Variants in IRAK3 observed in about 807,000 individuals in gnomAD.
The protein encoded by IRAK3 is interleukin-1 receptor-associated kinase 3.
In IRAK3, 57 loss-of-function variants were observed where a neutral mutation model predicts 56.6. The observed-to-expected ratio is 1.01, with a 90% CI of 0.81 to 1.26. The LOEUF (loss-of-function observed/expected upper bound fraction) is 1.26. Ranked by LOEUF, IRAK3 falls within the 50% of genes most tolerant of loss-of-function variation. The probability of loss-of-function intolerance (pLI) is 0.00; values close to 1 mark genes in which losing one functional copy is unlikely to be tolerated. For missense variants in IRAK3, 703 were observed against 719.0 expected (o/e 0.98, Z 0.25); for synonymous variants, 258 against 255.7 (o/e 1.01, Z -0.09).
intron 1 of IRAK3, among the ~76,000 whole-genome samples, chr12:66,203,081 T>A (rs1415880375): frequency 7.2e-5 from 11 of 152,150 alleles, no homozygotes; most frequent in Admixed American, 7.2e-4. Context: ...AATATTGTAG[T>A]AATAATTGTG....
intron 8 of IRAK3, among the ~76,000 whole-genome samples, chr12:66,239,115 A>G (rs2052937232): frequency 1.3e-5 from 2 of 152,148 alleles, no homozygotes; most frequent in Admixed American, 1.3e-4. Flanking sequence ...CATCCCAGAC[A>G]TTTCATTCCT....
At chr12:66,238,365 T>C (rs1221705904) in intron 8 of IRAK3, among the ~76,000 whole-genome samples, 1 of 152,192 alleles carries the variant, frequency 6.6e-6, no homozygotes, top group Non-Finnish European at 1.5e-5. Context: ...AGTTCAGGTA[T>C]TACAGTTATT....
chr12:66,203,471 A>G (rs937195547), intron 1 of IRAK3, among the ~76,000 whole-genome samples: 1 of 152,204 alleles, frequency 6.6e-6, no homozygotes, highest in Non-Finnish European at 1.5e-5. Context: ...TGGAAAAACT[A>G]GTGAAATTAG....
At chr12:66,213,781 A>T (rs1592585403) in intron 5 of IRAK3, among the ~76,000 whole-genome samples, 1 of 115,110 alleles carries the variant, frequency 8.7e-6, no homozygotes, top group East Asian at 2.1e-4. Context: ...TCTACTAATT[A>T]AAAAAAAAAA....
chr12:66,246,646 C>A (rs906273941), intron 11 of IRAK3, among the ~76,000 whole-genome samples: 13 of 152,254 alleles, frequency 8.5e-5, no homozygotes, highest in Admixed American at 7.2e-4. Flanking sequence ...ACTAATGATA[C>A]TGCTTCCCTT....
chr12:66,195,448 T>C (rs2052441882), intron 1 of IRAK3, among the ~76,000 whole-genome samples: 2 of 152,174 alleles, frequency 1.3e-5, no homozygotes, highest in Non-Finnish European at 2.9e-5. Flanking sequence ...CAGAACCCTC[T>C]GGCGGCTTCC....
rs551637499 is a variant in IRAK3 at position 66,213,265 on chromosome 12, A to G, written c.588+1668A>G. Among the ~76,000 whole-genome samples the G allele has an allele frequency of 1.4e-3, 207 of 152,158 alleles. 1 individual carries two copies. The highest frequency in any genetic ancestry group is 1.6e-3 in the Non-Finnish European group (110 of 68,000). On this transcript the variant is annotated intron_variant, in intron 5 of 11. Transcript: ENST00000261233. ...AACAGCACTGGAAAGACCCACCCCC[A>G]TGATTCAATTAACTCCCACTGGGCC...
intron 8 of IRAK3, among the ~76,000 whole-genome samples, chr12:66,233,660 A>G (rs1019917786): frequency 3.4e-5 from 5 of 146,108 alleles, no homozygotes; most frequent in Non-Finnish European, 7.5e-5. Flanking sequence ...ATACAGCTGG[A>G]AAAAAAAAAC....
At chr12:66,243,100 G>GT (rs2052988471) in intron 8 of IRAK3, among the ~76,000 whole-genome samples, 1 of 151,292 alleles carries the variant, frequency 6.6e-6, no homozygotes, top group Middle Eastern at 3.2e-3. Context: ...AAGTGCCTTT[G>GT]TTTTTTCTGT....
At chr12:66,241,692 C>T (rs111544433) in intron 8 of IRAK3, among the ~76,000 whole-genome samples, 6 of 152,334 alleles carry the variant, frequency 3.9e-5, no homozygotes, top group East Asian at 1.9e-4. Flanking sequence ...AGCTGAAAAA[C>T]GACTTATCTT....
intron 2 of IRAK3, among the ~76,000 whole-genome samples, chr12:66,205,557 C>G (rs910460439): frequency 3.9e-5 from 6 of 152,176 alleles, no homozygotes; most frequent in African/African-American, 1.4e-4. Context: ...ATAAGTGTAG[C>G]TTGCTCAACA....
In IRAK3 at chr12:66,211,496, A is replaced by G. The variant is rs2052611294; in HGVS notation, c.487A>G (p.Arg163Gly). The G allele has an allele frequency of 6.2e-7, 1 of 1,604,956 alleles. No individual in the cohort carries two copies. The highest frequency in any genetic ancestry group is 8.5e-7 in the Non-Finnish European group (1 of 1,171,652). ...CTTTCAAAATATCATAGAAGGAACT[A>G]GAAATTTCCACAAAGACTTCCTAAT... Reference protein sequence around the residue: ...ISFQNIIEGTRNFHKDFLIGE... With the variant: ...ISFQNIIEGTGNFHKDFLIGE... Residue 163 changes from arginine (R) to glycine (G), a missense_variant, in exon 5 of 12, where the codon AGA becomes GGA. Transcript: ENST00000261233.
intron 9 of IRAK3, 130 bp downstream of exon 9, chr12:66,244,814 G>A (rs2053010759): frequency 1.2e-5 from 13 of 1,049,840 alleles, no homozygotes; most frequent in South Asian, 1.1e-4. Context: ...TATTAATTTT[G>A]TGTAATCAAG....
chr12:66,206,988 C>G (rs1166823420), intron 2 of IRAK3, among the ~76,000 whole-genome samples: 1 of 152,126 alleles, frequency 6.6e-6, no homozygotes, highest in East Asian at 1.9e-4. Context: ...AGTTTTTTGG[C>G]ATATCATTGT....
rs193183322 is a variant in IRAK3, at chr12:66,227,709, A to T, written c.769-543A>T. On this transcript the variant is annotated intron_variant, in intron 7 of 11. Transcript: ENST00000261233. ...AGGGACATGGAGGCTGTAGTGAGCT[A>T]TGATTCTGCCACTGTACTCCAGCTT... 1.9e-4 allele frequency among the ~76,000 whole-genome samples: 29 copies of T among 150,826 alleles called. No homozygotes were observed. In the East Asian group the frequency reaches 2.7e-3, roughly 14 times the overall value.
chr12:66,223,066 C>T (rs191399910), intron 6 of IRAK3, among the ~76,000 whole-genome samples: 1 of 149,890 alleles, frequency 6.7e-6, no homozygotes, highest in East Asian at 1.9e-4. Context: ...AGTGGGGGAG[C>T]TTTTTGAGCC....
At chr12:66,217,645 A>G (rs1044817442) in intron 6 of IRAK3, among the ~76,000 whole-genome samples, 2 of 152,310 alleles carry the variant, frequency 1.3e-5, no homozygotes, top group Middle Eastern at 3.4e-3. Context: ...TTTGATGTGC[A>G]TATTATTTTT....
chr12:66,236,395 CAAAAAAAAAAAA>C (rs56074285), intron 8 of IRAK3, among the ~76,000 whole-genome samples: 1 of 110,414 alleles, frequency 9.1e-6, no homozygotes, highest in Non-Finnish European at 1.8e-5. Context: ...CTAAAAATAC[CAAAAAAAAAAAA>C]AAAAAAAAAA....
Position 66,249,935 on chromosome 12 carries a change from G to A in IRAK3, c.*1764G>A, listed in dbSNP as rs1592607988. On this transcript the variant is annotated 3_prime_UTR_variant, in exon 12 of 12. Coordinates refer to ENST00000261233, the MANE Select transcript of IRAK3 (RefSeq NM_007199.3). The stretch of plus-strand genomic sequence containing the variant: ...AACATATTCACAGGTTTCTGGAATT[G>A]GGACGTGGACATCTTCGGGGGACCA... The A allele has an allele frequency of 6.6e-6, 1 of 152,290 alleles. No individual in the cohort carries two copies. The highest frequency in any genetic ancestry group is 1.9e-4 in the East Asian group (1 of 5,178). 9.4% of individuals were successfully genotyped at this position (152,290 alleles called of 1,614,324 possible).
Sources: allele counts gnomAD v4.1 joint callset (sites outside exome capture counted in the v4.1 genomes callset), GRCh38; gene constraint gnomAD v4.1.1; transcripts MANE v1.5; gene names NCBI Gene and HGNC (gene_info 2026-07-23, HGNC 2026-07-21).